The following KATNA1 variants were observed in gnomAD, a reference collection of about 807,000 sequenced individuals.
The protein encoded by KATNA1 is katanin p60 ATPase-containing subunit A1.
KATNA1 carries 42 observed loss-of-function variants against 62.6 expected under a neutral mutation model. That is an observed-to-expected ratio of 0.67 (90% CI 0.52 to 0.87). The LOEUF is 0.87. Ranked by LOEUF, KATNA1 falls within the 40% of genes least tolerant of loss-of-function variation. The pLI, the probability that KATNA1 is intolerant of heterozygous loss-of-function variation, is 0.00. For synonymous variants in KATNA1, 186 were observed against 201.9 expected (o/e 0.92, Z 0.67); for missense variants, 498 against 612.5 (o/e 0.81, Z 1.97).
Position 149,623,273 on chromosome 6 carries a change from C to T in KATNA1, c.331G>A (p.Gly111Arg). ...PVPVERRPSP[G>R]PRKRQSSQYS... ...TGAGAAGATTGGCGTTTTCTAGGTC[C>T]TGGTGAGGGTCTAATCAAACAAAAA... Residue 111 changes from glycine to arginine, a missense_variant, in exon 4 of 11, where the codon GGA becomes AGA. Coordinates refer to ENST00000367411, the MANE Select transcript of KATNA1 (RefSeq NM_007044.4). 1 of 1,597,010 alleles carries T rather than the reference C, an allele frequency of 6.3e-7. No homozygotes were observed. Among genetic ancestry groups the T allele is most frequent in the Non-Finnish European group, 8.5e-7 (1 of 1,175,562 alleles).
At position 149,595,069 on chromosome 6, in the gene KATNA1, G is replaced by GT; in HGVS notation, c.1442dup (p.Tyr481Ter). The GT allele has an allele frequency of 4.3e-6, 7 of 1,613,732 alleles. No homozygotes were observed. The highest frequency in any genetic ancestry group is 5.1e-6 in the Non-Finnish European group (6 of 1,179,814). ...ATCCAAACTCAAATATCCATTTCTC[G>GT]TATCTTTCAATGTCTGCAGCAGACA... Reference protein sequence around the residue: ...KSVSAADIERYEKWIFEFGSC With the variant: ...KSVSAADIER Residue 481 changes from tyrosine to a stop codon, truncating the protein, a stop_gained and frameshift_variant, in exon 11 of 11, where the codon TAC becomes TAAC. Coordinates refer to ENST00000367411, the MANE Select transcript of KATNA1 (RefSeq NM_007044.4). LOFTEE classifies it high-confidence loss of function.
At chr6:149,633,689 C>T (rs997067973) in intron 2 of KATNA1, among the ~76,000 whole-genome samples, 3 of 151,506 alleles carry the variant, frequency 2.0e-5, no homozygotes, top group Non-Finnish European at 4.4e-5. Flanking sequence ...GCCAAGATCA[C>T]GCCACTGCAC....
Position 149,604,719 on chromosome 6 carries a change from T to A in KATNA1, c.565A>T (p.Lys189Ter). ...TNKFDSTGYDKDLVEALERDI... is the reference protein window; with the variant it reads ...TNKFDSTGYD ...CTTTCCAAAGCTTCTACTAAGTCTT[T>A]ATCATATCCGGTACTATCAAATTTA... Residue 189 changes from lysine (K) to a stop codon, truncating the protein, a stop_gained, in exon 5 of 11, where the codon AAA becomes TAA. Coordinates refer to ENST00000367411, the MANE Select transcript of KATNA1 (RefSeq NM_007044.4). LOFTEE classifies it high-confidence loss of function. 6.2e-7 allele frequency: 1 copy of A among 1,612,800 alleles called. No homozygotes were observed. Among genetic ancestry groups the A allele is most frequent in the Non-Finnish European group, 8.5e-7 (1 of 1,178,724 alleles).
intron 3 of KATNA1, among the ~76,000 whole-genome samples, chr6:149,627,035 A>AT: frequency 6.6e-6 from 1 of 151,956 alleles, no homozygotes; most frequent in South Asian, 2.1e-4. Context: ...ATAGACTTAC[A>AT]TACGTGTGTG....
Position 149,636,293 on chromosome 6 carries a change from C to T in KATNA1, c.162+2093G>A, listed in dbSNP as rs76802682. 9.1e-3 allele frequency among the ~76,000 whole-genome samples: 1,378 copies of T among 152,036 alleles called. 22 individuals are homozygous for T. The highest frequency in any genetic ancestry group is 0.032 in the African/African-American group (1,325 of 41,498). On this transcript the variant is annotated intron_variant, in intron 2 of 10. Coordinates refer to ENST00000367411, the MANE Select transcript of KATNA1 (RefSeq NM_007044.4). Reference sequence around the variant, plus strand: ...TTATGAAATAAAATATTTACTAGGCCGAGCATGGTGACTCATGCCTATAAT... The same window carrying T: ...TTATGAAATAAAATATTTACTAGGCTGAGCATGGTGACTCATGCCTATAAT...
In KATNA1 at chr6:149,617,543, T is replaced by G. The variant is rs535428617; in HGVS notation, c.501+5560A>C. Among the ~76,000 whole-genome samples, 232 of 152,342 alleles carry G rather than the reference T, an allele frequency of 1.5e-3. 2 individuals are homozygous for G. The highest frequency in any genetic ancestry group is 5.4e-3 in the African/African-American group (224 of 41,578). On this transcript the variant is annotated intron_variant, in intron 4 of 10. Coordinates refer to ENST00000367411, the MANE Select transcript of KATNA1 (RefSeq NM_007044.4). ...CTGGCCAGGCGCAGTGGCTCACGCC[T>G]GTAATCCCAACACTTTGGGAGGCCG... is the stretch of plus-strand genomic sequence containing the variant.
At chr6:149,613,731 T>G (rs537002457) in intron 4 of KATNA1, among the ~76,000 whole-genome samples, 1 of 152,270 alleles carries the variant, frequency 6.6e-6, no homozygotes, top group Admixed American at 6.5e-5. Flanking sequence ...AAATTATGGT[T>G]AATTCTGGTT....
At chr6:149,641,179 G>GT (rs34750075) in intron 1 of KATNA1, among the ~76,000 whole-genome samples, 6,190 of 130,548 alleles carry the variant, frequency 0.047, 496 homozygotes, top group African/African-American at 0.16. Context: ...CTGGCCTCGG[G>GT]TTTTTTTTTT....
At chr6:149,613,143 G>A (rs9498384) in intron 4 of KATNA1, among the ~76,000 whole-genome samples, 60,702 of 131,082 alleles carry the variant, frequency 0.46, 14,467 homozygotes, top group East Asian at 0.82. Flanking sequence ...TCACGCCACT[G>A]CACTCCAGCC....
chr6:149,605,065 C>T (rs1371526240), intron 4 of KATNA1, among the ~76,000 whole-genome samples: 6 of 151,346 alleles, frequency 4.0e-5, no homozygotes, highest in Non-Finnish European at 8.8e-5. Context: ...CCCAGCTACT[C>T]GGGAGGCTGA....
Position 149,601,714 on chromosome 6 carries a change from C to A in KATNA1, c.768G>T (p.Thr256=), listed in dbSNP as rs141033986. Residue 256 remains threonine, a synonymous_variant, in exon 7 of 11, where the codon ACG becomes ACT. Coordinates refer to ENST00000367411, the MANE Select transcript of KATNA1 (RefSeq NM_007044.4). ...LMVGPPGTGK[T]LLAKAVATEC... The stretch of plus-strand genomic sequence containing the variant: ...CTGTAGCTACTGCTTTAGCAAGGAG[C>A]GTCTTCCCCGTGCCAGGTGGGCCGA... 88 of 1,609,704 alleles carry A rather than the reference C, an allele frequency of 5.5e-5. No homozygotes were observed. The highest frequency in any genetic ancestry group is 7.3e-5 in the Non-Finnish European group (86 of 1,178,580).
intron 3 of KATNA1, among the ~76,000 whole-genome samples, chr6:149,624,876 T>C (rs1458364376): frequency 7.3e-6 from 1 of 137,790 alleles, no homozygotes; most frequent in Non-Finnish European, 1.6e-5. Flanking sequence ...TACTAGATGG[T>C]GTGAAACAGA....
At chr6:149,596,022 T>C (rs1778297326) in intron 10 of KATNA1, among the ~76,000 whole-genome samples, 1 of 152,194 alleles carries the variant, frequency 6.6e-6, no homozygotes, top group African/African-American at 2.4e-5. Context: ...TATTTCACAG[T>C]CATTTCGTAT....
intron 6 of KATNA1, among the ~76,000 whole-genome samples, chr6:149,602,119 C>A (rs1778567861): frequency 6.6e-6 from 1 of 152,158 alleles, no homozygotes; most frequent in African/African-American, 2.4e-5. Context: ...GTAATCCCAG[C>A]ACTTTGAGAG....
chr6:149,609,189 AC>A (rs1778851709), intron 4 of KATNA1, among the ~76,000 whole-genome samples: 1 of 152,140 alleles, frequency 6.6e-6, no homozygotes, highest in Non-Finnish European at 1.5e-5. Context: ...AACAAATAGA[AC>A]ACCCCAAAGA....
intron 3 of KATNA1, among the ~76,000 whole-genome samples, chr6:149,626,292 C>CTTTTCTTTTTTTTTT (rs1779604571): frequency 1.1e-5 from 1 of 88,748 alleles, no homozygotes; most frequent in East Asian, 5.8e-4. Context: ...ATAACATTTA[C>CTTTTCTTTTTTTTTT]TTTTTTTTTT....
At chr6:149,646,207 T>G (rs977757021) in intron 1 of KATNA1, among the ~76,000 whole-genome samples, 1 of 152,158 alleles carries the variant, frequency 6.6e-6, no homozygotes, top group Admixed American at 6.6e-5. Context: ...CCTTGAAGTT[T>G]AATAGAAGGG....
chr6:149,611,689 C>T (rs1778962391), intron 4 of KATNA1, among the ~76,000 whole-genome samples: 1 of 151,984 alleles, frequency 6.6e-6, no homozygotes, highest in South Asian at 2.1e-4. Context: ...TCATTATAGA[C>T]CTGCAAGCAC....
chr6:149,605,844 T>C (rs753246213), intron 4 of KATNA1, among the ~76,000 whole-genome samples: 12 of 152,030 alleles, frequency 7.9e-5, no homozygotes, highest in Middle Eastern at 3.2e-3. Context: ...TCTTGGCTCA[T>C]TGCAACCTCC....
Sources: gnomAD v4.1 joint callset for allele counts (sites outside exome capture counted in the v4.1 genomes callset) on GRCh38, gnomAD v4.1.1 for gene constraint, MANE v1.5 for transcripts, NCBI Gene and HGNC (gene_info 2026-07-23, HGNC 2026-07-21) for gene names.